The following SEMA5A variants were observed in gnomAD, a reference collection of about 807,000 sequenced individuals.
SEMA5A encodes semaphorin 5A.
In SEMA5A, 55 loss-of-function variants were observed where a neutral mutation model predicts 135.5. That is an observed-to-expected ratio of 0.41 (90% confidence interval 0.33 to 0.51). The LOEUF (loss-of-function observed/expected upper bound fraction) is 0.51, where lower values mean the gene tolerates loss of function less well. SEMA5A is among the 20% of genes least tolerant of loss of function. The pLI, the probability that SEMA5A is intolerant of heterozygous loss-of-function variation, is 0.37. For synonymous variants in SEMA5A, 580 were observed against 546.5 expected, an observed-to-expected ratio of 1.06 and a Z score of -0.85; for missense variants, 1,290 against 1,419.9, an observed-to-expected ratio of 0.91 and a Z score of 1.47.
At chr5:9,358,000 C>T (rs940224232) in intron 3 of SEMA5A, among the ~76,000 whole-genome samples, 3 of 152,178 alleles carry the variant, frequency 2.0e-5, no homozygotes, top group Admixed American at 1.3e-4. Context: ...TGAATTTTGT[C>T]ACACTAGACT....
intron 16 of SEMA5A, among the ~76,000 whole-genome samples, chr5:9,069,268 G>A (rs936701398): frequency 6.6e-6 from 1 of 152,210 alleles, no homozygotes; most frequent in Admixed American, 6.5e-5. Flanking sequence ...AGCCTTGCGA[G>A]CAGGCCTTTC....
chr5:9,326,787 A>C (rs1459403120), intron 4 of SEMA5A, among the ~76,000 whole-genome samples: 7 of 152,186 alleles, frequency 4.6e-5, no homozygotes, highest in African/African-American at 1.7e-4. Context: ...TAAATAAATA[A>C]AATAAGGAAA....
intron 16 of SEMA5A, among the ~76,000 whole-genome samples, chr5:9,079,527 C>G (rs1016665357): frequency 2.6e-5 from 4 of 151,776 alleles, no homozygotes; most frequent in South Asian, 2.1e-4. Flanking sequence ...CAAACACATT[C>G]AAAAGCAAGC....
chr5:9,268,986 T>C (rs1372289356), intron 5 of SEMA5A, among the ~76,000 whole-genome samples: 1 of 152,132 alleles, frequency 6.6e-6, no homozygotes, highest in Non-Finnish European at 1.5e-5. Flanking sequence ...CATCGTACAA[T>C]TACCTTCTGG....
chr5:9,272,184 G>A (rs539285875), intron 5 of SEMA5A, among the ~76,000 whole-genome samples: 1 of 152,230 alleles, frequency 6.6e-6, no homozygotes, highest in African/African-American at 2.4e-5. Context: ...TGGGGGTGTA[G>A]GGGAGTGTCT....
chr5:9,059,392 G>A (rs1741960605), intron 18 of SEMA5A, among the ~76,000 whole-genome samples: 1 of 152,160 alleles, frequency 6.6e-6, no homozygotes, highest in Admixed American at 6.5e-5. Context: ...TTATGTAGGT[G>A]AAGGTACTAG....
chr5:9,219,664 C>T (rs73740889), intron 8 of SEMA5A, among the ~76,000 whole-genome samples: 5 of 152,252 alleles, frequency 3.3e-5, no homozygotes, highest in East Asian at 1.9e-4. Context: ...TCAGGAGACA[C>T]CAATCCTGCT....
At chr5:9,277,368 G>C (rs1162548993) in intron 5 of SEMA5A, among the ~76,000 whole-genome samples, 1 of 152,210 alleles carries the variant, frequency 6.6e-6, no homozygotes, top group African/African-American at 2.4e-5. Context: ...CTGTTGGTGA[G>C]AGTGTAAATT....
At chr5:9,143,444 T>A (rs563375953) in intron 12 of SEMA5A, among the ~76,000 whole-genome samples, 2 of 152,330 alleles carry the variant, frequency 1.3e-5, no homozygotes, top group African/African-American at 4.8e-5. Flanking sequence ...GTTTTTTACA[T>A]TTCATTTTGC....
At chr5:9,125,012 CAT>C (rs1342133821) in intron 13 of SEMA5A, among the ~76,000 whole-genome samples, 1 of 152,192 alleles carries the variant, frequency 6.6e-6, no homozygotes, top group Non-Finnish European at 1.5e-5. Flanking sequence ...AAACTATACC[CAT>C]ACTTCGCCAT....
intron 5 of SEMA5A, among the ~76,000 whole-genome samples, chr5:9,238,478 G>A (rs1437716195): frequency 1.3e-5 from 2 of 152,092 alleles, no homozygotes; most frequent in African/African-American, 2.4e-5. Flanking sequence ...CTGACTAAAT[G>A]TTTAGAGCCA....
chr5:9,280,823 T>A, intron 5 of SEMA5A: 1 of 428,940 alleles, frequency 2.3e-6, no homozygotes, highest in Non-Finnish European at 4.7e-6. Context: ...AGGAAATTGT[T>A]CCAATTATGA....
intron 1 of SEMA5A, among the ~76,000 whole-genome samples, chr5:9,464,449 C>T (rs894693994): frequency 2.3e-4 from 35 of 152,208 alleles, no homozygotes; most frequent in Non-Finnish European, 3.8e-4. Context: ...GGAGAGTGAA[C>T]TGTTTACACT....
In SEMA5A at chr5:9,292,004, G is replaced by A. The variant is rs374053136; in HGVS notation, c.270+26368C>T. On this transcript the variant is annotated intron_variant, in intron 5 of 22. Coordinates refer to ENST00000382496, the MANE Select transcript of SEMA5A (RefSeq NM_003966.3). ...CCCCATTCCCCTACCTGGGATTTGC[G>A]GTGAGGCTGCAGCCCTAGAAAGATG... Among the ~76,000 whole-genome samples, 98 of 152,156 alleles carry A rather than the reference G, an allele frequency of 6.4e-4. No individual in the cohort carries two copies. The South Asian group carries it at 0.016, about 25-fold the overall frequency.
At chr5:9,081,416 A>G (rs897308447) in intron 16 of SEMA5A, among the ~76,000 whole-genome samples, 3 of 152,188 alleles carry the variant, frequency 2.0e-5, no homozygotes, top group African/African-American at 7.2e-5. Flanking sequence ...TTATGTATGT[A>G]TGTGTATATA....
intron 6 of SEMA5A, among the ~76,000 whole-genome samples, chr5:9,228,366 A>G (rs1021537794): frequency 4.6e-5 from 7 of 152,184 alleles, no homozygotes; most frequent in African/African-American, 1.7e-4. Flanking sequence ...AAGACACTCC[A>G]CTCAAGAGGA....
chr5:9,513,068 A>AATATATATATAT (rs56269546), intron 1 of SEMA5A, among the ~76,000 whole-genome samples: 1 of 143,722 alleles, frequency 7.0e-6, no homozygotes, highest in African/African-American at 2.5e-5. Context: ...ATATATATAT[A>AATATATATATAT]ATATATATAT....
chr5:9,154,522 G>T lies in SEMA5A; in HGVS notation c.1447C>A (p.Pro483Thr), dbSNP rs1742843222. 1.2e-6 allele frequency: 2 copies of T among 1,612,262 alleles called. No individual in the cohort carries two copies. The highest frequency in any genetic ancestry group is 1.7e-6 in the Non-Finnish European group (2 of 1,179,986). The change falls in exon 12 of 23, where the codon CCC becomes ACC. Residue 483 changes from proline to threonine, a missense_variant. Transcript: ENST00000382496. Reference sequence around the variant, plus strand: ...CGGTAGAACTGGCACCTCTTCAGGGGGATCTTGACCACGTGCTCCCGCAGG... The same window carrying T: ...CGGTAGAACTGGCACCTCTTCAGGGTGATCTTGACCACGTGCTCCCGCAGG... The part of the protein sequence containing the change: ...VGLREHVVKI[P>T]LKRCQFYRTR...
In SEMA5A at chr5:9,221,521, C is replaced by T. The variant is rs1331326766; in HGVS notation, c.646+3153G>A. Among the ~76,000 whole-genome samples, 409 of 151,972 alleles carry T rather than the reference C, an allele frequency of 2.7e-3. 1 individual carries two copies. The highest frequency in any genetic ancestry group is 4.2e-3 in the Non-Finnish European group (286 of 67,950). ...GTTTCACAGTGTTAGCCAGGATGGT[C>T]TCGATCTCCTGACCTCGTGATCCGC... On this transcript the variant is annotated intron_variant, in intron 8 of 22. Coordinates refer to ENST00000382496, the MANE Select transcript of SEMA5A (RefSeq NM_003966.3).
Sources: allele counts gnomAD v4.1 joint callset (sites outside exome capture counted in the v4.1 genomes callset), GRCh38; gene constraint gnomAD v4.1.1; transcripts MANE v1.5; gene names NCBI Gene and HGNC (gene_info 2026-07-23, HGNC 2026-07-21).